Variants in PKD2L1 observed in about 807,000 individuals in gnomAD.
PKD2L1 encodes the protein polycystin-2-like protein 1.
A neutral mutation model predicts 93.0 loss-of-function variants in PKD2L1; 77 were observed. The observed-to-expected ratio is 0.83, with a 90% CI of 0.69 to 1.00. The LOEUF (loss-of-function observed/expected upper bound fraction) is 1.00, where lower values mean the gene tolerates loss of function less well. Ranked by LOEUF, PKD2L1 falls within the 50% of genes least tolerant of loss-of-function variation. The probability of loss-of-function intolerance (pLI) is 0.00; values close to 1 mark genes in which losing one functional copy is unlikely to be tolerated. For synonymous variants in PKD2L1, 390 were observed against 388.0 expected (o/e 1.01, Z -0.06); for missense variants, 977 against 990.9 (o/e 0.99, Z 0.19).
intron 2 of PKD2L1, among the ~76,000 whole-genome samples, chr10:100,309,464 T>C (rs1219062466): frequency 6.6e-6 from 1 of 152,240 alleles, no homozygotes; most frequent in Non-Finnish European, 1.5e-5. Flanking sequence ...TGCTGGATGC[T>C]GTACTGACTT....
intron 2 of PKD2L1, among the ~76,000 whole-genome samples, chr10:100,325,555 G>C (rs914876991): frequency 6.6e-6 from 1 of 152,146 alleles, no homozygotes; most frequent in Non-Finnish European, 1.5e-5. Flanking sequence ...TTGTGGGGCC[G>C]GCACTTTGTG....
intron 2 of PKD2L1, among the ~76,000 whole-genome samples, chr10:100,303,252 G>A (rs979163866): frequency 2.2e-5 from 3 of 136,602 alleles, no homozygotes; most frequent in Admixed American, 8.3e-5. Context: ...GCAGTGCAAT[G>A]GCACGATCTC....
chr10:100,313,075 G>A (rs1368762112), intron 2 of PKD2L1, among the ~76,000 whole-genome samples: 2 of 152,158 alleles, frequency 1.3e-5, no homozygotes, highest in Admixed American at 1.3e-4. Flanking sequence ...TGGCTGATGA[G>A]GCAGCGGTGA....
chr10:100,295,194 G>T (rs1848500601), intron 7 of PKD2L1, 71 bp from the exon 8 acceptor site: 2 of 1,233,806 alleles, frequency 1.6e-6, no homozygotes, highest in Non-Finnish European at 2.3e-6. Context: ...CATGCCAAGG[G>T]CCTATGGAGG....
chr10:100,300,041 C>T lies in PKD2L1; in HGVS notation c.350-323G>A, dbSNP rs190717513. Among the ~76,000 whole-genome samples, 177 of 152,290 alleles carry T rather than the reference C, an allele frequency of 1.2e-3. 1 individual carries two copies. The highest frequency in any genetic ancestry group is 8.1e-3 in the South Asian group (39 of 4,824). On this transcript the variant is annotated intron_variant, in intron 2 of 15. Coordinates refer to ENST00000318222, the MANE Select transcript of PKD2L1 (RefSeq NM_016112.3). ...CAGCTTAACTTCCCAGTTCTTACTC[C>T]CCAGAGCAAAGATATTCCTGCCTTC...
Position 100,297,411 on chromosome 10 carries a change from A to G in PKD2L1, c.927T>C (p.Asn309=), listed in dbSNP as rs761088583. 3 of 1,614,052 alleles carry G rather than the reference A, an allele frequency of 1.9e-6. No homozygotes were observed. Among genetic ancestry groups the G allele is most frequent in the South Asian group, 2.2e-5 (2 of 91,082 alleles). The change falls in exon 5 of 16, where the codon AAT becomes AAC. Residue 309 remains asparagine (N), a synonymous_variant. Coordinates refer to ENST00000318222, the MANE Select transcript of PKD2L1 (RefSeq NM_016112.3). ...GGACACAGAAAAGATTGATATTGGC[A>G]TTGTAGACTGAGAAGTCGATGAACA... ...RVVFIDFSVY[N]ANINLFCVLR...
chr10:100,303,803 A>G (rs12360462), intron 2 of PKD2L1, among the ~76,000 whole-genome samples: 60,984 of 152,100 alleles, frequency 0.4, 12,374 homozygotes, highest in East Asian at 0.52. Flanking sequence ...CTGGAAATCA[A>G]ACTTCTGTGT....
At chr10:100,288,943 T>TGCC in intron 15 of PKD2L1, 29 bp downstream of exon 15, 1 of 1,462,184 alleles carries the variant, frequency 6.8e-7, no homozygotes, top group African/African-American at 1.4e-5. Flanking sequence ...GGAAGCCTGC[T>TGCC]GTCTGATGCT....
chr10:100,297,720 G>A, intron 4 of PKD2L1, 114 bp from the exon 5 acceptor site: 2 of 595,372 alleles, frequency 3.4e-6, no homozygotes, highest in Non-Finnish European at 6.0e-6. Flanking sequence ...GTGTGTGTGT[G>A]TGTGTGTGTG....
In PKD2L1 at chr10:100,289,890, A is replaced by C. The variant is rs182663544; in HGVS notation, c.2250+125T>G. 1.3e-5 allele frequency: 15 copies of C among 1,120,330 alleles called. No individual in the cohort carries two copies. In the Middle Eastern group the frequency reaches 1.5e-3, roughly 109 times the overall value. 69.4% of individuals were successfully genotyped at this position (1,120,330 alleles called of 1,614,324 possible). ...TCTGCTGATACACTAACCGCTATGA[A>C]CATGTTTCCCCAGGAGCCTGAAAAC... On this transcript the variant is annotated intron_variant, in intron 14 of 15. Transcript: ENST00000318222.
At chr10:100,321,465 AAAAAGAAAAG>A (rs138353625) in intron 2 of PKD2L1, among the ~76,000 whole-genome samples, 2 of 148,588 alleles carry the variant, frequency 1.3e-5, no homozygotes, top group African/African-American at 2.5e-5. Context: ...GTCTCAAAAA[AAAAAGAAAAG>A]AAAAGAAAAG....
At chr10:100,328,097 C>G (rs1849417478) in intron 2 of PKD2L1, among the ~76,000 whole-genome samples, 1 of 152,174 alleles carries the variant, frequency 6.6e-6, no homozygotes, top group Non-Finnish European at 1.5e-5. Context: ...CAGCTTTAAT[C>G]AAAACACAAC....
Position 100,289,890 on chromosome 10 carries a change from A to G in PKD2L1, c.2250+125T>C, listed in dbSNP as rs182663544. On this transcript the variant is annotated intron_variant, in intron 14 of 15. Transcript: ENST00000318222. ...TCTGCTGATACACTAACCGCTATGAACATGTTTCCCCAGGAGCCTGAAAAC... is the reference window on the plus strand; with the variant it reads ...TCTGCTGATACACTAACCGCTATGAGCATGTTTCCCCAGGAGCCTGAAAAC... The G allele has an allele frequency of 7.1e-6, 8 of 1,120,448 alleles. No individual in the cohort carries two copies. In the African/African-American group the frequency reaches 1.2e-4, roughly 17 times the overall value. 69.4% of individuals were successfully genotyped at this position (1,120,448 alleles called of 1,614,324 possible). A position where few individuals can be genotyped will look rare whatever the true frequency, so the allele number is the denominator to read the frequency against.
Position 100,297,600 on chromosome 10 carries a change from T to C in PKD2L1, c.738A>G (p.Thr246=). Residue 246 remains threonine, a synonymous_variant, in exon 5 of 16, where the codon ACA becomes ACG. Coordinates refer to ENST00000318222, the MANE Select transcript of PKD2L1 (RefSeq NM_016112.3). The part of the protein sequence containing the change: ...PFGPFNGTAW[T]YHSQDELGGF... ...CCCCCAACTCATCCTGCGAGTGGTATGTCCACCTGCCACAGAAAATGCCAG... is the reference window on the plus strand; with the variant it reads ...CCCCCAACTCATCCTGCGAGTGGTACGTCCACCTGCCACAGAAAATGCCAG... 1.2e-6 allele frequency: 2 copies of C among 1,611,732 alleles called. No homozygotes were observed. The highest frequency in any genetic ancestry group is 2.2e-5 in the East Asian group (1 of 44,732).
In PKD2L1 at chr10:100,330,013, G is replaced by A; in HGVS notation, c.91C>T (p.Pro31Ser). 6 of 1,613,774 alleles carry A rather than the reference G, an allele frequency of 3.7e-6. No homozygotes were observed. The highest frequency in any genetic ancestry group is 4.2e-6 in the Non-Finnish European group (5 of 1,179,786). The change falls in exon 1 of 16, where the codon CCA becomes TCA. Residue 31 changes from proline (P) to serine (S), a missense_variant. By Grantham distance (74) the Pro-to-Ser change is moderately conservative. Coordinates refer to ENST00000318222, the MANE Select transcript of PKD2L1 (RefSeq NM_016112.3). ...GTGCAGACTCTCAGCGTCCCGTGTG[G>A]GGAAGGGGGACCACTGTAGGCGGGG... is the stretch of plus-strand genomic sequence containing the variant. ...DNPAYSGPPS[P>S]HGTLRVCTIS...
At chr10:100,292,821 G>C (rs1848433173) in intron 11 of PKD2L1, 127 bp downstream of exon 11, 3 of 966,576 alleles carry the variant, frequency 3.1e-6, no homozygotes, top group Middle Eastern at 2.4e-4. Context: ...GCAAAGATCT[G>C]AAGCCTGCAA....
intron 2 of PKD2L1, among the ~76,000 whole-genome samples, chr10:100,320,364 T>C (rs1849199071): frequency 6.6e-6 from 1 of 152,186 alleles, no homozygotes. Flanking sequence ...GGATTATAGG[T>C]CCACCAGTTC....
intron 2 of PKD2L1, among the ~76,000 whole-genome samples, chr10:100,306,348 T>C (rs995756845): frequency 1.3e-5 from 2 of 152,214 alleles, no homozygotes; most frequent in African/African-American, 2.4e-5. Flanking sequence ...AGTATCTATT[T>C]TGGTGATTCC....
chr10:100,328,965 G>A (rs1430032164), intron 2 of PKD2L1, among the ~76,000 whole-genome samples: 1 of 152,144 alleles, frequency 6.6e-6, no homozygotes, highest in Non-Finnish European at 1.5e-5. Flanking sequence ...CCAAAAACTG[G>A]TTTCCCCTTG....
Sources: gnomAD v4.1 joint callset for allele counts (sites outside exome capture counted in the v4.1 genomes callset) on GRCh38, gnomAD v4.1.1 for gene constraint, MANE v1.5 for transcripts, NCBI Gene and HGNC (gene_info 2026-07-23, HGNC 2026-07-21) for gene names.